Variants in PRKCZ observed in about 807,000 individuals in gnomAD.
PRKCZ encodes protein kinase C zeta, also known as protein kinase C zeta type.
Under a neutral mutation model 79.5 loss-of-function variants are expected in PRKCZ, and 33 were observed. That is an observed-to-expected ratio of 0.41 (90% CI 0.31 to 0.55). The LOEUF is 0.55. Among genes scored for constraint, PRKCZ ranks in the 20% least tolerant of loss-of-function variants. PRKCZ has a pLI of 0.19. For synonymous variants in PRKCZ, 342 were observed against 320.9 expected, an observed-to-expected ratio of 1.07 and a Z score of -0.70; for missense variants, 578 against 813.5, an observed-to-expected ratio of 0.71 and a Z score of 3.52.
intron 4 of PRKCZ, among the ~76,000 whole-genome samples, chr1:2,091,174 G>A (rs1376968824): frequency 6.6e-6 from 1 of 152,182 alleles, no homozygotes; most frequent in Non-Finnish European, 1.5e-5. Context: ...TGGGATTACA[G>A]GCGCTTGCCA....
At chr1:2,063,473 C>T (rs1199931854) in intron 4 of PRKCZ, among the ~76,000 whole-genome samples, 4 of 152,178 alleles carry the variant, frequency 2.6e-5, no homozygotes, top group Non-Finnish European at 4.4e-5. Context: ...CCACCACGCC[C>T]AGCTAATTTT....
intron 1 of PRKCZ, among the ~76,000 whole-genome samples, chr1:2,051,987 A>T (rs1659709294): frequency 6.6e-6 from 1 of 152,150 alleles, no homozygotes; most frequent in South Asian, 2.1e-4. Flanking sequence ...CTACCTGAAG[A>T]GGTAGGGCAG....
chr1:2,097,466 G>A (rs1053861310), intron 4 of PRKCZ, among the ~76,000 whole-genome samples: 4 of 152,320 alleles, frequency 2.6e-5, no homozygotes, highest in East Asian at 1.9e-4. Flanking sequence ...GTGGCCCGGC[G>A]ATCAACCTGA....
chr1:2,154,052 A>T (rs1250530098), intron 9 of PRKCZ, among the ~76,000 whole-genome samples: 1 of 152,080 alleles, frequency 6.6e-6, no homozygotes. Context: ...GTGCTGAGTG[A>T]TATGTGGGTC....
At chr1:2,087,084 TTTTA>T (rs1199571915) in intron 4 of PRKCZ, among the ~76,000 whole-genome samples, 7 of 152,114 alleles carry the variant, frequency 4.6e-5, no homozygotes, top group Non-Finnish European at 8.8e-5. Context: ...TTCCCCATTC[TTTTA>T]TTTATTTTTT....
chr1:2,049,967 A>AC (rs1336235930), upstream of PRKCZ: 13 of 152,200 alleles, frequency 8.5e-5, no homozygotes, highest in Non-Finnish European at 1.5e-5. Flanking sequence ...CCCGTCCGTG[A>AC]CCCTGGCCGG....
chr1:2,090,788 C>T (rs1665363416), intron 4 of PRKCZ, among the ~76,000 whole-genome samples: 1 of 152,224 alleles, frequency 6.6e-6, no homozygotes, highest in Non-Finnish European at 1.5e-5. Context: ...GGCCATGGAT[C>T]CTGGTTGTGG....
At position 2,104,826 on chromosome 1, in the gene PRKCZ, C is replaced by T. The variant is rs1031860570; in HGVS notation, c.335-30436C>T. ...GGAGAGTTGGAGGGCGCTTCCTCGC[C>T]GGGTGTTGCGGTGTGAGCGGGGACT... On this transcript the variant is annotated intron_variant, in intron 4 of 17. Coordinates refer to ENST00000378567, the MANE Select transcript of PRKCZ (RefSeq NM_002744.6). 1.4e-5 allele frequency: 14 copies of T among 985,616 alleles called. No homozygotes were observed. The East Asian group carries it at 6.8e-4, about 48-fold the overall frequency. The allele number at this position is 985,616 out of a possible 1,614,324, so 61.1% of individuals were successfully genotyped here. A position where few individuals can be genotyped will look rare whatever the true frequency, so the allele number is the denominator to read the frequency against.
rs116130316 is a variant in PRKCZ at position 2,159,111 on chromosome 1, G to A, written c.974+3019G>A. Reference sequence around the variant, plus strand: ...TGGCTAATTTTTTGTATTTTTAGTAGAAACGGGGTGAGCTCCGGGTTGGGG... The same window carrying A: ...TGGCTAATTTTTTGTATTTTTAGTAAAAACGGGGTGAGCTCCGGGTTGGGG... On this transcript the variant is annotated intron_variant, in intron 10 of 17. Coordinates refer to ENST00000378567, the MANE Select transcript of PRKCZ (RefSeq NM_002744.6). Among the ~76,000 whole-genome samples, 341 of 152,236 alleles carry A rather than the reference G, an allele frequency of 2.2e-3. 1 individual carries two copies. The highest frequency in any genetic ancestry group is 7.8e-3 in the African/African-American group (323 of 41,556).
At chr1:2,060,251 C>T (rs1407856324) in intron 4 of PRKCZ, among the ~76,000 whole-genome samples, 2 of 152,270 alleles carry the variant, frequency 1.3e-5, no homozygotes, top group Non-Finnish European at 2.9e-5. Context: ...AGGCCGCTGC[C>T]TGTCCAGCGC....
At chr1:2,167,115 A>T (rs562652387) in intron 10 of PRKCZ, among the ~76,000 whole-genome samples, 1 of 152,268 alleles carries the variant, frequency 6.6e-6, no homozygotes, top group African/African-American at 2.4e-5. Context: ...TAGACAAAAA[A>T]ACCCCACCAT....
Position 2,122,621 on chromosome 1 carries a change from T to C in PRKCZ, c.335-12641T>C, listed in dbSNP as rs1208906319. Among the ~76,000 whole-genome samples, 9 of 9,054 alleles carry C rather than the reference T, an allele frequency of 9.9e-4. 1 individual carries two copies. The highest frequency in any genetic ancestry group is 1.4e-3 in the Non-Finnish European group (8 of 5,704). 5.9% of individuals were successfully genotyped at this position (9,054 alleles called of 152,430 possible). A position where few individuals can be genotyped will look rare whatever the true frequency, so the allele number is the denominator to read the frequency against. ...GTCGTGGCGGTGGTTAGGGTCACGG[T>C]GGTGGTTAGGGTTGTGGTGGTTAGG... On this transcript the variant is annotated intron_variant, in intron 4 of 17. Transcript: ENST00000378567.
intron 16 of PRKCZ, among the ~76,000 whole-genome samples, chr1:2,179,543 A>G (rs931769169): frequency 6.6e-6 from 1 of 152,218 alleles, no homozygotes; most frequent in African/African-American, 2.4e-5. Flanking sequence ...GGTGGTGGTG[A>G]GTTAACAGCT....
rs140958949 is a variant in PRKCZ, at chr1:2,056,555, G to C, written c.265G>C (p.Glu89Gln). ...AFRLARQCRD[E>Q]GLIIHVFPST... is the part of the protein sequence containing the mutation. The stretch of plus-strand genomic sequence containing the variant: ...CCGCCTGGCCCGTCAGTGCAGGGAT[G>C]AAGGCCTCATCATTCATGGTTAGTG... The change falls in exon 3 of 18, where the codon GAA (glutamate) becomes CAA (glutamine). Residue 89 changes from glutamate to glutamine, a missense_variant. Transcript: ENST00000378567. 1 of 1,613,420 alleles carries C rather than the reference G, an allele frequency of 6.2e-7. No individual in the cohort carries two copies. Among genetic ancestry groups the C allele is most frequent in the Non-Finnish European group, 8.5e-7 (1 of 1,179,744 alleles).
Position 2,125,465 on chromosome 1 carries a change from G to A in PRKCZ, c.335-9797G>A, listed in dbSNP as rs1673683219. 6.6e-6 allele frequency among the ~76,000 whole-genome samples: 1 copy of A among 152,200 alleles called. No individual in the cohort carries two copies. Among genetic ancestry groups the A allele is most frequent in the Non-Finnish European group, 1.5e-5 (1 of 68,042 alleles). ...GCTGACAGCAGCATTTGAGGACGGTGGGGCGGAGGACATCCTGGGGGGCCT... is the reference window on the plus strand; with the variant it reads ...GCTGACAGCAGCATTTGAGGACGGTAGGGCGGAGGACATCCTGGGGGGCCT... On this transcript the variant is annotated intron_variant, in intron 4 of 17. Transcript: ENST00000378567. This position sits in a 1 kb window ranked among gnomAD's most constrained non-coding sequence, Gnocchi z 4.2.
rs28760534 is a variant in PRKCZ at position 2,118,342 on chromosome 1, G to T, written c.335-16920G>T. 1.8e-3 allele frequency among the ~76,000 whole-genome samples: 243 copies of T among 135,438 alleles called. 2 individuals carry two copies. The highest frequency in any genetic ancestry group is 6.9e-3 in the South Asian group (29 of 4,186). 88.9% of individuals were successfully genotyped at this position (135,438 alleles called of 152,430 possible). The stretch of plus-strand genomic sequence containing the variant: ...GCTTTTATCATCATGAAATGTTTTT[G>T]TTTTTTTTTTTTTGAGACAGAGTGT... On this transcript the variant is annotated intron_variant, in intron 4 of 17. Transcript: ENST00000378567.
intron 4 of PRKCZ, among the ~76,000 whole-genome samples, chr1:2,084,934 A>T (rs1294992767): frequency 6.6e-6 from 1 of 151,928 alleles, no homozygotes; most frequent in Non-Finnish European, 1.5e-5. Flanking sequence ...GCCTGAGCCC[A>T]GGAGTTCGAG....
At chr1:2,070,152 G>A (rs1462786106) in intron 4 of PRKCZ, among the ~76,000 whole-genome samples, 1 of 152,036 alleles carries the variant, frequency 6.6e-6, no homozygotes, top group Non-Finnish European at 1.5e-5. Flanking sequence ...AGCCAGTGCT[G>A]GCTGCCCTGT....
At chr1:2,079,237 C>T (rs1019519068) in intron 4 of PRKCZ, among the ~76,000 whole-genome samples, 5 of 152,224 alleles carry the variant, frequency 3.3e-5, no homozygotes, top group African/African-American at 4.8e-5. Flanking sequence ...AGAAGCACCG[C>T]GGTATCATGT....
Sources: allele counts gnomAD v4.1 joint callset (sites outside exome capture counted in the v4.1 genomes callset), GRCh38; gene constraint gnomAD v4.1.1; non-coding constraint Gnocchi (gnomAD v3.1); transcripts MANE v1.5; gene names NCBI Gene and HGNC (gene_info 2026-07-23, HGNC 2026-07-21).